Variants in SORCS2 observed in about 807,000 individuals in gnomAD.
SORCS2 encodes VPS10 domain-containing receptor SorCS2.
SORCS2 carries 100 observed loss-of-function variants against 141.6 expected under a neutral mutation model. The ratio of observed to expected loss-of-function variants is 0.71; its 90% CI spans 0.60 to 0.83. The LOEUF (loss-of-function observed/expected upper bound fraction) is 0.83, where lower values mean the gene tolerates loss of function less well. SORCS2 is among the 40% of genes least tolerant of loss of function. The pLI is 0.00. For missense variants in SORCS2, 1,646 were observed against 1,560.2 expected, an observed-to-expected ratio of 1.05 and a Z score of -0.93; for synonymous variants, 789 against 676.9, an observed-to-expected ratio of 1.17 and a Z score of -2.57.
intron 3 of SORCS2, among the ~76,000 whole-genome samples, chr4:7,595,229 G>A (rs189820310): frequency 5.7e-4 from 87 of 152,302 alleles, no homozygotes; most frequent in African/African-American, 2.1e-3. Context: ...CAGAGGAAGA[G>A]AGGCACGAGG....
intron 3 of SORCS2, among the ~76,000 whole-genome samples, chr4:7,618,200 C>G (rs1179317617): frequency 1.3e-5 from 2 of 152,134 alleles, no homozygotes; most frequent in Non-Finnish European, 2.9e-5. Flanking sequence ...TCCCATCCCC[C>G]TTCACGCTAA....
chr4:7,375,899 G>T (rs1046140112), intron 1 of SORCS2, among the ~76,000 whole-genome samples: 1 of 152,144 alleles, frequency 6.6e-6, no homozygotes, highest in Non-Finnish European at 1.5e-5. Context: ...TTATTCGTGC[G>T]CAGGTTACTT....
chr4:7,350,539 C>T (rs1720879865), intron 1 of SORCS2, among the ~76,000 whole-genome samples: 2 of 152,220 alleles, frequency 1.3e-5, no homozygotes, highest in Non-Finnish European at 2.9e-5. Context: ...TGGCACCTAG[C>T]ATGCTGATGG....
chr4:7,363,296 C>A (rs937423840), intron 1 of SORCS2, among the ~76,000 whole-genome samples: 8 of 146,600 alleles, frequency 5.5e-5, no homozygotes, highest in African/African-American at 2.1e-4. Context: ...TCATTACCAC[C>A]ACTACCTTCA....
chr4:7,245,489 C>T (rs1232044192), intron 1 of SORCS2, among the ~76,000 whole-genome samples: 1 of 152,254 alleles, frequency 6.6e-6, no homozygotes, highest in East Asian at 1.9e-4. Flanking sequence ...GTCAGAAAGA[C>T]CTGGATTCCA....
chr4:7,267,202 C>A (rs565705416), intron 1 of SORCS2, among the ~76,000 whole-genome samples: 1 of 152,340 alleles, frequency 6.6e-6, no homozygotes, highest in Non-Finnish European at 1.5e-5. Flanking sequence ...GAGTAGGCAT[C>A]TTCCTTTCTC....
At chr4:7,669,214 A>G (rs1048512672) in intron 8 of SORCS2, among the ~76,000 whole-genome samples, 2 of 152,206 alleles carry the variant, frequency 1.3e-5, no homozygotes, top group African/African-American at 4.8e-5. Context: ...TGACAGACAC[A>G]CACCCAGCCT....
At chr4:7,657,501 A>G (rs13122525) in intron 5 of SORCS2, among the ~76,000 whole-genome samples, 11 of 34,134 alleles carry the variant, frequency 3.2e-4, no homozygotes, top group Admixed American at 9.7e-4. Context: ...ATGAATGAGT[A>G]AATGAATGAG....
intron 2 of SORCS2, among the ~76,000 whole-genome samples, chr4:7,466,250 C>T (rs1385353947): frequency 6.6e-6 from 1 of 152,172 alleles, no homozygotes; most frequent in Non-Finnish European, 1.5e-5. Context: ...TGCAGTCAAT[C>T]AGGGGCCCAG....
intron 11 of SORCS2, among the ~76,000 whole-genome samples, chr4:7,691,562 C>A (rs1202981210): frequency 2.6e-5 from 4 of 152,086 alleles, no homozygotes; most frequent in Non-Finnish European, 4.4e-5. Context: ...GCTCTATATG[C>A]CCGGGGTCCT....
At chr4:7,207,500 C>T (rs796736317) in intron 1 of SORCS2, among the ~76,000 whole-genome samples, 3 of 152,180 alleles carry the variant, frequency 2.0e-5, no homozygotes, top group South Asian at 2.1e-4. Flanking sequence ...TGGGCTGCCC[C>T]GAGCTCTGAG....
chr4:7,226,117 C>T (rs1174310422), intron 1 of SORCS2, among the ~76,000 whole-genome samples: 2 of 152,178 alleles, frequency 1.3e-5, no homozygotes, highest in African/African-American at 4.8e-5. Flanking sequence ...CTCTGATCTC[C>T]AGGGATGGCT....
At chr4:7,225,386 G>A (rs1370349369) in intron 1 of SORCS2, among the ~76,000 whole-genome samples, 1 of 152,234 alleles carries the variant, frequency 6.6e-6, no homozygotes, top group Middle Eastern at 3.2e-3. Flanking sequence ...ATCGTTCTCT[G>A]TTGAATGCAA....
At chr4:7,589,846 T>A (rs568368658) in intron 3 of SORCS2, among the ~76,000 whole-genome samples, 1 of 152,176 alleles carries the variant, frequency 6.6e-6, no homozygotes, top group Non-Finnish European at 1.5e-5. Context: ...GCAGGGGAAA[T>A]GGCAGAGCCA....
chr4:7,664,389 C>G lies in SORCS2; in HGVS notation c.989C>G (p.Ser330Cys). The G allele has an allele frequency of 6.2e-7, 1 of 1,613,838 alleles. No homozygotes were observed. Residue 330 changes from serine (S) to cysteine (C), a missense_variant, in exon 7 of 27, where the codon TCC becomes TGC. Transcript: ENST00000507866. This position sits in a 1 kb window ranked among gnomAD's most constrained non-coding sequence, Gnocchi z 4.7. ...GTCACCTGCGCAATCCACAATTGCT[C>G]CGAGAAGATGCTGACAGCCCCATTC... ...RYVTCAIHNC[S>C]EKMLTAPFAG...
intron 1 of SORCS2, among the ~76,000 whole-genome samples, chr4:7,272,022 G>A (rs1715172830): frequency 6.6e-6 from 1 of 152,210 alleles, no homozygotes; most frequent in South Asian, 2.1e-4. Flanking sequence ...GGGTGTGTGT[G>A]CACACTCACA....
chr4:7,510,956 G>A (rs1470247634), intron 2 of SORCS2, among the ~76,000 whole-genome samples: 1 of 152,232 alleles, frequency 6.6e-6, no homozygotes, highest in Non-Finnish European at 1.5e-5. Flanking sequence ...TACCTACCAG[G>A]GAGGTTCGAG....
intron 5 of SORCS2, among the ~76,000 whole-genome samples, chr4:7,656,340 G>A (rs1484658712): frequency 6.6e-6 from 1 of 152,060 alleles, no homozygotes; most frequent in East Asian, 1.9e-4. Flanking sequence ...CCCCAGAACA[G>A]AATCATAACA....
chr4:7,637,316 C>G (rs1348140958), intron 3 of SORCS2, among the ~76,000 whole-genome samples: 2 of 44,960 alleles, frequency 4.4e-5, no homozygotes, highest in Non-Finnish European at 8.0e-5. Context: ...GCACCTCGGG[C>G]CTGCCCTGAG....
Sources: gnomAD v4.1 joint callset for allele counts (sites outside exome capture counted in the v4.1 genomes callset) on GRCh38, gnomAD v4.1.1 for gene constraint, Gnocchi (gnomAD v3.1) non-coding constraint, MANE v1.5 for transcripts, NCBI Gene and HGNC (gene_info 2026-07-23, HGNC 2026-07-21) for gene names.